The following NIPAL2 variants were observed in gnomAD, a reference collection of about 807,000 sequenced individuals.
NIPAL2 encodes NIPA-like protein 2.
NIPAL2 carries 43 observed loss-of-function variants against 48.9 expected under a neutral mutation model. The ratio of observed to expected loss-of-function variants is 0.88; its 90% CI spans 0.69 to 1.13. The LOEUF (loss-of-function observed/expected upper bound fraction) is 1.13, where lower values mean the gene tolerates loss of function less well. NIPAL2 is among the 50% of genes most tolerant of loss of function. NIPAL2 has a pLI of 0.00. For synonymous variants in NIPAL2, 167 were observed against 174.6 expected (o/e 0.96, Z 0.34); for missense variants, 446 against 461.4 (o/e 0.97, Z 0.31).
intron 3 of NIPAL2, among the ~76,000 whole-genome samples, chr8:98,239,607 T>C (rs1812885589): frequency 6.6e-6 from 1 of 152,220 alleles, no homozygotes; most frequent in Admixed American, 6.5e-5. Flanking sequence ...TCTTCCTTTC[T>C]GAAAGATAAT....
chr8:98,200,938 A>C (rs772474771), intron 8 of NIPAL2, among the ~76,000 whole-genome samples: 2 of 152,188 alleles, frequency 1.3e-5, no homozygotes, highest in African/African-American at 2.4e-5. Flanking sequence ...ACATCTATTC[A>C]AGTTCTTTTC....
At chr8:98,203,764 CTATCACCAGGG>C (rs1484623306) in intron 7 of NIPAL2, among the ~76,000 whole-genome samples, 5 of 152,060 alleles carry the variant, frequency 3.3e-5, no homozygotes, top group African/African-American at 1.2e-4. Flanking sequence ...GTGAATTGCA[CTATCACCAGGG>C]TGCTTTTAAA....
intron 1 of NIPAL2, among the ~76,000 whole-genome samples, chr8:98,260,520 C>T (rs1214570311): frequency 3.3e-5 from 5 of 152,108 alleles, no homozygotes; most frequent in Admixed American, 1.3e-4. Context: ...GGGTGACGGA[C>T]GGCACCTGGA....
At chr8:98,255,920 A>T (rs1318230658) in intron 1 of NIPAL2, among the ~76,000 whole-genome samples, 1 of 152,216 alleles carries the variant, frequency 6.6e-6, no homozygotes, top group Non-Finnish European at 1.5e-5. Flanking sequence ...TGGGTATTCA[A>T]AAATTGGTGG....
At chr8:98,222,357 AC>A in intron 5 of NIPAL2, 121 bp downstream of exon 5, 1 of 1,069,994 alleles carries the variant, frequency 9.3e-7, no homozygotes. Flanking sequence ...TTGGTCAAAT[AC>A]ATTTAGATTT....
intron 1 of NIPAL2, among the ~76,000 whole-genome samples, chr8:98,274,357 T>C (rs896471618): frequency 2.6e-5 from 4 of 151,984 alleles, no homozygotes; most frequent in African/African-American, 9.7e-5. Flanking sequence ...CTTACTAAAT[T>C]TTGGACTGCT....
Position 98,195,974 on chromosome 8 carries a change from A to G in NIPAL2, c.912T>C (p.Ala304=). Residue 304 remains alanine (A), a synonymous_variant, in exon 9 of 11, where the codon GCT becomes GCC. Coordinates refer to ENST00000430223, the MANE Select transcript of NIPAL2 (RefSeq NM_001321635.2). ...GATATATAAATACAGTGAGAAAAGG[A>G]GCACCAAGGAATTCCTGATAAAATA... ...GIIFYQEFLG[A]PFLTVFIYLF... is the part of the protein sequence containing the mutation. 6 of 1,589,802 alleles carry G rather than the reference A, an allele frequency of 3.8e-6. No homozygotes were observed. The highest frequency in any genetic ancestry group is 5.2e-6 in the Non-Finnish European group (6 of 1,162,102).
At chr8:98,234,526 T>C (rs75559551) in intron 4 of NIPAL2, among the ~76,000 whole-genome samples, 12 of 152,190 alleles carry the variant, frequency 7.9e-5, no homozygotes, top group African/African-American at 2.9e-4. Flanking sequence ...TAATTTTTAG[T>C]TTATAAAACT....
intron 5 of NIPAL2, chr8:98,217,168 T>G (rs1484251442): frequency 1.0e-6 from 1 of 985,386 alleles, no homozygotes; most frequent in Non-Finnish European, 1.2e-6. Flanking sequence ...TGGTATACAC[T>G]GGGCTTCTCA....
chr8:98,207,235 A>G (rs907992102), intron 6 of NIPAL2, among the ~76,000 whole-genome samples: 2 of 152,230 alleles, frequency 1.3e-5, no homozygotes, highest in East Asian at 3.8e-4. Flanking sequence ...ATTTTATATT[A>G]TACTTAAACA....
intron 1 of NIPAL2, among the ~76,000 whole-genome samples, chr8:98,283,288 G>C (rs1178463180): frequency 6.6e-6 from 1 of 152,164 alleles, no homozygotes; most frequent in East Asian, 1.9e-4. Context: ...TCTCAGCAGA[G>C]CAAATTTATG....
intron 1 of NIPAL2, among the ~76,000 whole-genome samples, chr8:98,258,607 C>G (rs564606515): frequency 6.6e-6 from 1 of 152,274 alleles, no homozygotes; most frequent in African/African-American, 2.4e-5. Context: ...GAAACCCGAA[C>G]TTAGGAGTAT....
In NIPAL2 at chr8:98,268,933, C is replaced by G. The variant is rs75996826; in HGVS notation, c.136-14846G>C. Among the ~76,000 whole-genome samples the G allele has an allele frequency of 3.2e-3, 486 of 152,302 alleles. 1 individual carries two copies. Among genetic ancestry groups the G allele is most frequent in the African/African-American group, 0.011 (453 of 41,554 alleles). ...ATGCTAATTATCATCTGAACCTACACTGAGTCATTTCTACAATATTCCCAG... is the reference window on the plus strand; with the variant it reads ...ATGCTAATTATCATCTGAACCTACAGTGAGTCATTTCTACAATATTCCCAG... On this transcript the variant is annotated intron_variant, in intron 1 of 10. Coordinates refer to ENST00000430223, the MANE Select transcript of NIPAL2 (RefSeq NM_001321635.2).
intron 1 of NIPAL2, among the ~76,000 whole-genome samples, chr8:98,280,229 T>C (rs1252856235): frequency 6.6e-6 from 1 of 152,130 alleles, no homozygotes; most frequent in Non-Finnish European, 1.5e-5. Flanking sequence ...CTTCAAACCA[T>C]AAATTCAAAA....
rs543055077 is a variant in NIPAL2, at chr8:98,200,319, A to G, written c.880+2789T>C. ...TCATTTCCTCCTCCCCGCAGCCCTC[A>G]TTCTACTTTTGTTTCCATAAATCTC... On this transcript the variant is annotated intron_variant, in intron 8 of 10. Transcript: ENST00000430223. Among the ~76,000 whole-genome samples, 20 of 152,248 alleles carry G rather than the reference A, an allele frequency of 1.3e-4. No homozygotes were observed. The South Asian group carries it at 3.9e-3, about 30-fold the overall frequency.
Position 98,237,924 on chromosome 8 carries a change from T to C in NIPAL2, c.377-1710A>G, listed in dbSNP as rs541405518. ...CATCAGTTCCTTTTAATCTGAGATA[T>C]GTCTTTTTATTCTTCTAAGATCTCC... On this transcript the variant is annotated intron_variant, in intron 3 of 10. Coordinates refer to ENST00000430223, the MANE Select transcript of NIPAL2 (RefSeq NM_001321635.2). Among the ~76,000 whole-genome samples, 8 of 152,350 alleles carry C rather than the reference T, an allele frequency of 5.3e-5. No individual in the cohort carries two copies. In the South Asian group the frequency reaches 1.7e-3, roughly 32 times the overall value.
At position 98,205,058 on chromosome 8, in the gene NIPAL2, C is replaced by T. The variant is rs1266796820; in HGVS notation, c.791+53G>A. On this transcript the variant is annotated intron_variant, in intron 7 of 10. Coordinates refer to ENST00000430223, the MANE Select transcript of NIPAL2 (RefSeq NM_001321635.2). Reference sequence around the variant, plus strand: ...TCTGAAGCCAGTAAAGATTAATGCCCAGAGAAGCACCGGAATGTTGAAAGA... The same window carrying T: ...TCTGAAGCCAGTAAAGATTAATGCCTAGAGAAGCACCGGAATGTTGAAAGA... The T allele has an allele frequency of 4.4e-6, 7 of 1,587,574 alleles. No homozygotes were observed. In the African/African-American group the frequency reaches 5.4e-5, roughly 12 times the overall value.
chr8:98,257,023 C>G (rs1055009974), intron 1 of NIPAL2, among the ~76,000 whole-genome samples: 4 of 151,960 alleles, frequency 2.6e-5, no homozygotes, highest in African/African-American at 4.8e-5. Flanking sequence ...CCTTATAAAC[C>G]AAAAATAAAA....
intron 4 of NIPAL2, among the ~76,000 whole-genome samples, chr8:98,227,417 G>A (rs986025326): frequency 6.6e-6 from 1 of 152,174 alleles, no homozygotes; most frequent in African/African-American, 2.4e-5. Flanking sequence ...AGTGAGTACT[G>A]TGGCTATCAC....
Sources: allele counts gnomAD v4.1 joint callset (sites outside exome capture counted in the v4.1 genomes callset), GRCh38; gene constraint gnomAD v4.1.1; transcripts MANE v1.5; gene names NCBI Gene and HGNC (gene_info 2026-07-23, HGNC 2026-07-21).